The following OTOG variants were observed in gnomAD, a reference collection of about 807,000 sequenced individuals.
The protein encoded by OTOG is otogelin.
Under a neutral mutation model 313.8 loss-of-function variants are expected in OTOG, and 296 were observed. The ratio of observed to expected loss-of-function variants is 0.94; its 90% CI spans 0.86 to 1.04. OTOG has a LOEUF of 1.04. Among genes scored for constraint, OTOG ranks in the 50% least tolerant of loss-of-function variants. The probability of loss-of-function intolerance (pLI) is 0.00; values close to 1 mark genes in which losing one functional copy is unlikely to be tolerated. For synonymous variants in OTOG, 1,533 were observed against 1,554.9 expected (o/e 0.99, Z 0.33); for missense variants, 3,948 against 3,840.1 (o/e 1.03, Z -0.74).
At chr11:17,634,977 GGAC>G in intron 45 of OTOG, 29 bp downstream of exon 45, 1 of 1,498,590 alleles carries the variant, frequency 6.7e-7, no homozygotes, top group Non-Finnish European at 9.1e-7. Context: ...GGAGGGTGGG[GGAC>G]GGACTGAGGG....
chr11:17,593,675 G>T lies in OTOG; in HGVS notation c.3207G>T (p.Leu1069=). The change falls in exon 27 of 56, where the codon CTG becomes CTT. Residue 1069 remains leucine, a synonymous_variant. Coordinates refer to ENST00000399397, the MANE Select transcript of OTOG (RefSeq NM_001292063.2). ...CATGGCGAGTGGGATTTTTCACACTGGTGCATTTCCCACAGGAGCACATCA... is the reference window on the plus strand; with the variant it reads ...CATGGCGAGTGGGATTTTTCACACTTGTGCATTTCCCACAGGAGCACATCA... ...VHTWRVGFFT[L]VHFPQEHITL... is the part of the protein sequence containing the mutation. The T allele has an allele frequency of 6.5e-7, 1 of 1,549,116 alleles. No homozygotes were observed. Among genetic ancestry groups the T allele is most frequent in the Non-Finnish European group, 8.7e-7 (1 of 1,146,984 alleles).
chr11:17,572,860 A>T (rs1852434150), intron 18 of OTOG, among the ~76,000 whole-genome samples: 1 of 152,168 alleles, frequency 6.6e-6, no homozygotes. Flanking sequence ...CCAGAATGTA[A>T]GCTCCAGGGA....
chr11:17,632,680 G>A (rs904317268), intron 42 of OTOG, among the ~76,000 whole-genome samples: 1 of 151,970 alleles, frequency 6.6e-6, no homozygotes, highest in Admixed American at 6.6e-5. Flanking sequence ...TTCTTCCAGA[G>A]TTTCCCTTCC....
chr11:17,618,233 T>C (rs1853773782), intron 39 of OTOG, among the ~76,000 whole-genome samples: 1 of 152,210 alleles, frequency 6.6e-6, no homozygotes, highest in Non-Finnish European at 1.5e-5. Flanking sequence ...AGTGCTACAA[T>C]TTTCCCTGTA....
Position 17,633,715 on chromosome 11 carries a change from T to C in OTOG, c.7108T>C (p.Cys2370Arg), listed in dbSNP as rs1590056943. 6.5e-7 allele frequency: 1 copy of C among 1,548,780 alleles called. No homozygotes were observed. The highest frequency in any genetic ancestry group is 8.7e-7 in the Non-Finnish European group (1 of 1,146,110). The stretch of plus-strand genomic sequence containing the variant: ...CTCCAGCGACTCCACATACCAGGCA[T>C]GTGTGACAGCCTGTGAGCCACCCAA... ...LCSSDSTYQA[C>R]VTACEPPKTC... Residue 2370 changes from cysteine (C) to arginine (R), a missense_variant, in exon 43 of 56, where the codon TGT becomes CGT. Cys to Arg is a radical substitution (Grantham distance 180). Coordinates refer to ENST00000399397, the MANE Select transcript of OTOG (RefSeq NM_001292063.2).
Position 17,634,838 on chromosome 11 carries a change from G to A in OTOG, c.7481-6G>A. On this transcript the variant is annotated splice_region_variant and splice_polypyrimidine_tract_variant and intron_variant, in intron 44 of 55. Coordinates refer to ENST00000399397, the MANE Select transcript of OTOG (RefSeq NM_001292063.2). Reference sequence around the variant, plus strand: ...AGGTGACAGGCCCTGTGGTCCCCGGGGCCAGTGTGTAACCAGACTCTGTGT... The same window carrying A: ...AGGTGACAGGCCCTGTGGTCCCCGGAGCCAGTGTGTAACCAGACTCTGTGT... The A allele has an allele frequency of 6.5e-7, 1 of 1,548,714 alleles. No homozygotes were observed. Among genetic ancestry groups the A allele is most frequent in the South Asian group, 1.2e-5 (1 of 83,932 alleles).
chr11:17,559,674 G>A lies in OTOG; in HGVS notation c.1342+12G>A, dbSNP rs776715758. On this transcript the variant is annotated intron_variant, in intron 12 of 55. Transcript: ENST00000399397. ...CTATTGCCCCAATGGTATGCTAGGGGCAGACGTAGGTGCCTGGCACCATCT... is the reference window on the plus strand; with the variant it reads ...CTATTGCCCCAATGGTATGCTAGGGACAGACGTAGGTGCCTGGCACCATCT... 7.7e-6 allele frequency: 12 copies of A among 1,550,306 alleles called. No individual in the cohort carries two copies. Among genetic ancestry groups the A allele is most frequent in the Middle Eastern group, 1.7e-4 (1 of 6,014 alleles).
intron 25 of OTOG, 47 bp downstream of exon 25, chr11:17,591,635 C>A (rs1323837253): frequency 5.2e-6 from 8 of 1,545,946 alleles, no homozygotes; most frequent in Non-Finnish European, 7.0e-6. Flanking sequence ...GCACAGCTGT[C>A]AGGGCACTCT....
Position 17,608,624 on chromosome 11 carries a change from T to G in OTOG, c.4274+211T>G, listed in dbSNP as rs112123657. Among the ~76,000 whole-genome samples the G allele has an allele frequency of 1.1e-3, 173 of 152,366 alleles. 2 individuals are homozygous for G. The highest frequency in any genetic ancestry group is 3.9e-3 in the African/African-American group (161 of 41,586). ...GCATGCAGCAGAGCCTTGCGTGTGTTTGTGCGTGTACTACTACAACTGTGC... is the reference window on the plus strand; with the variant it reads ...GCATGCAGCAGAGCCTTGCGTGTGTGTGTGCGTGTACTACTACAACTGTGC... On this transcript the variant is annotated intron_variant, in intron 34 of 55. Coordinates refer to ENST00000399397, the MANE Select transcript of OTOG (RefSeq NM_001292063.2).
At chr11:17,602,424 G>A in intron 32 of OTOG, 47 bp downstream of exon 32, 1 of 1,525,982 alleles carries the variant, frequency 6.6e-7, no homozygotes, top group Non-Finnish European at 8.8e-7. Flanking sequence ...GAGGCAGGAG[G>A]GTGCTAGAGG....
At chr11:17,553,909 G>A (rs755434937) in intron 6 of OTOG, among the ~76,000 whole-genome samples, 1 of 152,182 alleles carries the variant, frequency 6.6e-6, no homozygotes, top group Non-Finnish European at 1.5e-5. Flanking sequence ...GAGTGCTATG[G>A]AGGAGAAATG....
At position 17,633,803 on chromosome 11, in the gene OTOG, G is replaced by A. The variant is rs1467282101; in HGVS notation, c.7196G>A (p.Gly2399Asp). The change falls in exon 43 of 56, where the codon GGC becomes GAC. Residue 2399 changes from glycine (G) to aspartate (D), a missense_variant. Physicochemically the swap from Gly to Asp is moderately conservative, Grantham distance 94. Coordinates refer to ENST00000399397, the MANE Select transcript of OTOG (RefSeq NM_001292063.2). ...DPEHCQVLGE[G>D]CVCSEGTILH... ...GAGCACTGCCAGGTGCTGGGCGAGG[G>A]CTGCGTCTGCTCCGAGGGCACCATC... 1.9e-6 allele frequency: 3 copies of A among 1,550,240 alleles called. No homozygotes were observed. The highest frequency in any genetic ancestry group is 1.7e-6 in the Non-Finnish European group (2 of 1,146,970).
At chr11:17,622,499 A>G (rs1342531253) in intron 39 of OTOG, among the ~76,000 whole-genome samples, 1 of 152,066 alleles carries the variant, frequency 6.6e-6, no homozygotes, top group Non-Finnish European at 1.5e-5. Flanking sequence ...CTTTTTACTC[A>G]TTAATCATTC....
chr11:17,625,916 G>T (rs1228125049), intron 39 of OTOG, among the ~76,000 whole-genome samples: 2 of 152,148 alleles, frequency 1.3e-5, no homozygotes, highest in African/African-American at 4.8e-5. Flanking sequence ...CTTTCTTGTA[G>T]TGGTTTTATA....
At chr11:17,551,706 T>C (rs562266808) in intron 3 of OTOG, among the ~76,000 whole-genome samples, 1 of 152,198 alleles carries the variant, frequency 6.6e-6, no homozygotes, top group African/African-American at 2.4e-5. Flanking sequence ...CTGGCAGGTA[T>C]TGGGGCATGG....
intron 30 of OTOG, among the ~76,000 whole-genome samples, chr11:17,597,462 G>A (rs1196020284): frequency 6.6e-6 from 1 of 152,186 alleles, no homozygotes; most frequent in Non-Finnish European, 1.5e-5. Flanking sequence ...CAAACTGGGT[G>A]ATGAATATAG....
At position 17,632,249 on chromosome 11, in the gene OTOG, C is replaced by T. The variant is rs752783462; in HGVS notation, c.7072+23C>T. Reference sequence around the variant, plus strand: ...GCCGTGAGTTTGCGGGGCAGGGGGACCCTCCATTGTGACTATTGTTCCCAT... The same window carrying T: ...GCCGTGAGTTTGCGGGGCAGGGGGATCCTCCATTGTGACTATTGTTCCCAT... On this transcript the variant is annotated intron_variant, in intron 42 of 55. Transcript: ENST00000399397. The T allele has an allele frequency of 4.5e-6, 7 of 1,542,510 alleles. 1 individual carries two copies. In the South Asian group the frequency reaches 7.2e-5, roughly 16 times the overall value.
In OTOG at chr11:17,547,902, A is replaced by T. The variant is rs769945893; in HGVS notation, c.95-25A>T. ...CCCCAGTAAAGACAAGCACAATTTG[A>T]GTGGAGAATAATCCCCCTCCCCAGC... is the stretch of plus-strand genomic sequence containing the variant. On this transcript the variant is annotated intron_variant, in intron 1 of 55. Transcript: ENST00000399397. The T allele has an allele frequency of 5.1e-4, 231 of 449,232 alleles. No homozygotes were observed. The Middle Eastern group carries it at 8.6e-3, about 17-fold the overall frequency. The allele number at this position is 449,232 out of a possible 1,614,324, so 27.8% of individuals were successfully genotyped here. A position where few individuals can be genotyped will look rare whatever the true frequency, so the allele number is the denominator to read the frequency against.
At chr11:17,548,741 G>A (rs1410079827) in intron 3 of OTOG, among the ~76,000 whole-genome samples, 2 of 151,502 alleles carry the variant, frequency 1.3e-5, no homozygotes, top group African/African-American at 2.4e-5. Context: ...TTTTTGAGTC[G>A]GGGTCTTGCT....
Sources: gnomAD v4.1 joint callset for allele counts (sites outside exome capture counted in the v4.1 genomes callset) on GRCh38, gnomAD v4.1.1 for gene constraint, MANE v1.5 for transcripts, NCBI Gene and HGNC (gene_info 2026-07-23, HGNC 2026-07-21) for gene names.